Variants in EBF4 observed in about 807,000 individuals in gnomAD.
The protein encoded by EBF4 is EBF transcription factor 4.
A neutral mutation model predicts 67.1 loss-of-function variants in EBF4; 34 were observed. The observed-to-expected ratio is 0.51, with a 90% confidence interval of 0.39 to 0.67. The LOEUF (loss-of-function observed/expected upper bound fraction) is 0.67, where lower values mean the gene tolerates loss of function less well. EBF4 is among the 30% of genes least tolerant of loss of function. EBF4 has a pLI of 0.00. For missense variants in EBF4, 837 were observed against 873.3 expected, an observed-to-expected ratio of 0.96 and a Z score of 0.52; for synonymous variants, 387 against 377.7, an observed-to-expected ratio of 1.02 and a Z score of -0.29.
Position 2,707,819 on chromosome 20 carries a change from G to A in EBF4, c.415-128G>A. 2.2e-6 allele frequency: 2 copies of A among 893,504 alleles called. No individual in the cohort carries two copies. Among genetic ancestry groups the A allele is most frequent in the Non-Finnish European group, 3.3e-6 (2 of 608,814 alleles). The allele number at this position is 893,504 out of a possible 1,614,324, so 55.3% of individuals were successfully genotyped here. On this transcript the variant is annotated intron_variant, in intron 4 of 16. Coordinates refer to ENST00000609451, the Ensembl canonical transcript of EBF4. The surrounding 1 kb of genome is among the most constrained non-coding windows in gnomAD (Gnocchi z 4.6). ...CTGGGCAGCCCAGAGCAAGGCAGAGGGCGTGCTCTTCCCTGGGGCAGGGTC... is the reference window on the plus strand; with the variant it reads ...CTGGGCAGCCCAGAGCAAGGCAGAGAGCGTGCTCTTCCCTGGGGCAGGGTC...
chr20:2,699,842 AG>A (rs1207874520), intron 1 of EBF4, among the ~76,000 whole-genome samples: 2 of 152,244 alleles, frequency 1.3e-5, no homozygotes, highest in Non-Finnish European at 2.9e-5. Context: ...AGCTGCACTC[AG>A]GCCCTTGGGG....
intron 6 of EBF4, among the ~76,000 whole-genome samples, chr20:2,727,570 T>C (rs555464934): frequency 6.6e-6 from 1 of 152,342 alleles, no homozygotes; most frequent in East Asian, 1.9e-4. Flanking sequence ...CCTGTGTTTT[T>C]CAAGGGTCAG....
rs578085950 is a variant in EBF4, at chr20:2,693,953, GTGGGGCGGGC to G, written c.137+181_137+190del. On this transcript the variant is annotated intron_variant, in intron 1 of 16. Coordinates refer to ENST00000609451, the Ensembl canonical transcript of EBF4. This position sits in a 1 kb window ranked among gnomAD's most constrained non-coding sequence, Gnocchi z 4.6. Reference sequence around the variant, plus strand: ...AGTGCCTGTGCTGCCTCCTGAGGCTGTGGGGCGGGCTGGGGCGGGGCTTCTGCCTCCACTC... The same window carrying G: ...AGTGCCTGTGCTGCCTCCTGAGGCTGTGGGGCGGGGCTTCTGCCTCCACTC... Among the ~76,000 whole-genome samples, 132 of 152,324 alleles carry G rather than the reference GTGGGGCGGGC, an allele frequency of 8.7e-4. No homozygotes were observed. The highest frequency in any genetic ancestry group is 3.0e-3 in the African/African-American group (123 of 41,580).
intron 6 of EBF4, among the ~76,000 whole-genome samples, chr20:2,746,592 T>C (rs750432506): frequency 5.3e-5 from 8 of 152,138 alleles, no homozygotes; most frequent in Non-Finnish European, 8.8e-5. Context: ...GACCTCCTTT[T>C]TGGGGACTGG....
chr20:2,730,041 G>A (rs956986184), intron 6 of EBF4, among the ~76,000 whole-genome samples: 1 of 152,224 alleles, frequency 6.6e-6, no homozygotes, highest in African/African-American at 2.4e-5. Context: ...CAGCCCTATG[G>A]TGAGGGAATA....
chr20:2,733,645 A>G (rs1446090594), intron 6 of EBF4, among the ~76,000 whole-genome samples: 2 of 151,954 alleles, frequency 1.3e-5, no homozygotes, highest in South Asian at 2.1e-4. Context: ...GATAATCTCA[A>G]TTGGCCTATA....
At chr20:2,713,444 G>C (rs778937658) in intron 6 of EBF4, among the ~76,000 whole-genome samples, 1 of 152,160 alleles carries the variant, frequency 6.6e-6, no homozygotes, top group Non-Finnish European at 1.5e-5. Context: ...AGACACTAGA[G>C]GGCGTGATAT....
chr20:2,713,236 G>C (rs1273210520), intron 6 of EBF4, among the ~76,000 whole-genome samples: 1 of 152,212 alleles, frequency 6.6e-6, no homozygotes, highest in African/African-American at 2.4e-5. Context: ...ATGTGACCTA[G>C]TGCATAGGTA....
At chr20:2,742,847 AG>A (rs1417299490) in intron 6 of EBF4, among the ~76,000 whole-genome samples, 5 of 152,180 alleles carry the variant, frequency 3.3e-5, no homozygotes, top group Non-Finnish European at 4.4e-5. Context: ...GCTGACAAGC[AG>A]GGCTTCAAGC....
intron 6 of EBF4, among the ~76,000 whole-genome samples, chr20:2,715,997 C>G (rs997640492): frequency 7.9e-5 from 12 of 152,050 alleles, no homozygotes; most frequent in Admixed American, 3.9e-4. Context: ...GGTCTGCCTG[C>G]CTTGGCCTCC....
chr20:2,736,960 GGGAAGA>G, intron 6 of EBF4, among the ~76,000 whole-genome samples: 1 of 152,274 alleles, frequency 6.6e-6, no homozygotes, highest in African/African-American at 2.4e-5. Context: ...AGAAAATTGG[GGGAAGA>G]GGACCGGGCG....
intron 6 of EBF4, among the ~76,000 whole-genome samples, chr20:2,733,803 G>A (rs1471236899): frequency 6.2e-5 from 9 of 146,070 alleles, no homozygotes; most frequent in Non-Finnish European, 1.0e-4. Flanking sequence ...TAATACTAGC[G>A]ATAGCTGATG....
intron 1 of EBF4, among the ~76,000 whole-genome samples, chr20:2,697,288 G>A (rs2087304579): frequency 6.6e-6 from 1 of 152,152 alleles, no homozygotes; most frequent in Non-Finnish European, 1.5e-5. Context: ...GCTCACGCCT[G>A]TAATCCCAGC....
At chr20:2,705,925 G>T in intron 2 of EBF4, 49 bp from the exon 3 acceptor site, 2 of 1,535,374 alleles carry the variant, frequency 1.3e-6, no homozygotes, top group Non-Finnish European at 1.8e-6. Flanking sequence ...GACAAGGGAG[G>T]CTGGAGGATC....
At chr20:2,700,551 G>A (rs555528503) in intron 1 of EBF4, among the ~76,000 whole-genome samples, 1 of 152,182 alleles carries the variant, frequency 6.6e-6, no homozygotes, top group Non-Finnish European at 1.5e-5. Flanking sequence ...TCTGAGAGCA[G>A]ACAGTGGCCC....
intron 13 of EBF4, 44 bp from the exon 14 acceptor site, chr20:2,752,313 C>T (rs1253115493): frequency 8.3e-7 from 1 of 1,201,094 alleles, no homozygotes; most frequent in African/African-American, 1.6e-5. Context: ...CACCGCCCCT[C>T]CCCGGCCGGC....
chr20:2,707,211 C>A lies in EBF4; in HGVS notation c.415-736C>A, dbSNP rs2087470845. Among the ~76,000 whole-genome samples, 1 of 151,998 alleles carries A rather than the reference C, an allele frequency of 6.6e-6. No homozygotes were observed. The highest frequency in any genetic ancestry group is 1.5e-5 in the Non-Finnish European group (1 of 67,984). ...GCTGGGGGAGGCAGGCCAGGCAGTGCCTAGTGGAACTGTCAAGGGGACGGG... is the reference window on the plus strand; with the variant it reads ...GCTGGGGGAGGCAGGCCAGGCAGTGACTAGTGGAACTGTCAAGGGGACGGG... On this transcript the variant is annotated intron_variant, in intron 4 of 16. Coordinates refer to ENST00000609451, the Ensembl canonical transcript of EBF4. The surrounding 1 kb of genome is among the most constrained non-coding windows in gnomAD (Gnocchi z 4.6).
intron 6 of EBF4, among the ~76,000 whole-genome samples, chr20:2,737,193 T>G (rs1173089209): frequency 3.5e-5 from 5 of 144,802 alleles, no homozygotes; most frequent in South Asian, 2.1e-4. Flanking sequence ...GAGCTTGCAG[T>G]GAGCCGAGAT....
intron 6 of EBF4, among the ~76,000 whole-genome samples, chr20:2,740,355 C>T (rs994265753): frequency 3.3e-5 from 5 of 152,136 alleles, no homozygotes; most frequent in Non-Finnish European, 7.4e-5. Context: ...AAATAAAATT[C>T]AGTTCCTCAG....
Sources: gnomAD v4.1 joint callset for allele counts (sites outside exome capture counted in the v4.1 genomes callset) on GRCh38, gnomAD v4.1.1 for gene constraint, Gnocchi (gnomAD v3.1) non-coding constraint, MANE v1.5 for transcripts, NCBI Gene and HGNC (gene_info 2026-07-23, HGNC 2026-07-21) for gene names.